The following SLC25A43 variants were observed in gnomAD, a reference collection of about 807,000 sequenced individuals.
The protein encoded by SLC25A43 is solute carrier family 25, member 43.
In SLC25A43, 10 loss-of-function variants were observed where a neutral mutation model predicts 22.8. That is an observed-to-expected ratio of 0.44 (90% CI 0.27 to 0.74). The LOEUF (loss-of-function observed/expected upper bound fraction) is 0.74, where lower values mean the gene tolerates loss of function less well. Ranked by LOEUF, SLC25A43 falls within the 30% of genes least tolerant of loss-of-function variation. The pLI, the probability that SLC25A43 is intolerant of heterozygous loss-of-function variation, is 0.17. For missense variants in SLC25A43, 233 were observed against 279.1 expected, an observed-to-expected ratio of 0.83 and a Z score of 1.18; for synonymous variants, 106 against 121.6, an observed-to-expected ratio of 0.87 and a Z score of 0.84.
At chrX:119,416,376 C>T (rs1347975373) in intron 3 of SLC25A43, among the ~76,000 whole-genome samples, 5 of 111,276 alleles carry the variant, frequency 4.5e-5, no homozygotes, top group Non-Finnish European at 7.5e-5. Context: ...TGTGCCACCA[C>T]GCCCGGCTAA....
intron 3 of SLC25A43, among the ~76,000 whole-genome samples, chrX:119,432,816 G>A (rs1286124671): frequency 1.0e-5 from 1 of 100,408 alleles, no homozygotes; most frequent in African/African-American, 3.7e-5. Context: ...CTTTTTAAAA[G>A]AGGTAAAGTT....
At chrX:119,404,292 T>C (rs1042998160) in intron 1 of SLC25A43, among the ~76,000 whole-genome samples, 5 of 111,733 alleles carry the variant, frequency 4.5e-5, no homozygotes, top group African/African-American at 1.6e-4. Context: ...TGAGACGCCA[T>C]GCCTAGCCAG....
intron 3 of SLC25A43, among the ~76,000 whole-genome samples, chrX:119,431,327 G>A (rs891525047): frequency 9.0e-6 from 1 of 110,871 alleles, no homozygotes; most frequent in Non-Finnish European, 1.9e-5. Context: ...AGACCAGCCT[G>A]GCCAACATGG....
At chrX:119,412,140 A>G (rs1228123321) in intron 3 of SLC25A43, among the ~76,000 whole-genome samples, 2 of 110,899 alleles carry the variant, frequency 1.8e-5, no homozygotes, top group Non-Finnish European at 3.8e-5. Context: ...GCCATCGCTT[A>G]CCTCAGCACT....
In SLC25A43 at chrX:119,414,914, A is replaced by ATTT. The variant is rs767288270; in HGVS notation, c.690+4574_690+4576dup. Among the ~76,000 whole-genome samples, 11 of 56,907 alleles carry ATTT rather than the reference A, an allele frequency of 1.9e-4. 1 individual carries two copies. The highest frequency in any genetic ancestry group is 1.6e-4 in the African/African-American group (2 of 12,350). 49.4% of individuals were successfully genotyped at this position (56,907 alleles called of 115,157 possible). ...AGGCATGCACCACCACACCCAGCTAATTTTTTTTTTTTTTTTTTTTTTTTG... is the reference window on the plus strand; with the variant it reads ...AGGCATGCACCACCACACCCAGCTAATTTTTTTTTTTTTTTTTTTTTTTTTTTG... On this transcript the variant is annotated intron_variant, in intron 3 of 4. Transcript: ENST00000217909.
At chrX:119,415,358 C>A (rs752086801) in intron 3 of SLC25A43, among the ~76,000 whole-genome samples, 11 of 111,357 alleles carry the variant, frequency 9.9e-5, no homozygotes, top group African/African-American at 3.6e-4. Context: ...AGGCATGAGC[C>A]ACTGTGCCCA....
intron 1 of SLC25A43, among the ~76,000 whole-genome samples, chrX:119,403,579 C>T (rs905874841): frequency 2.5e-4 from 28 of 111,938 alleles, no homozygotes; most frequent in African/African-American, 8.8e-4. Flanking sequence ...TGAGCCACCA[C>T]GCCCAGCCCC....
intron 3 of SLC25A43, among the ~76,000 whole-genome samples, chrX:119,424,240 AATAAT>A (rs1352301605): frequency 9.0e-6 from 1 of 110,586 alleles, no homozygotes; most frequent in Non-Finnish European, 1.9e-5. Context: ...AAGAAATTAT[AATAAT>A]ATAATAATAA....
chrX:119,399,775 C>G, intron 1 of SLC25A43, 97 bp downstream of exon 1: 5 of 902,243 alleles, frequency 5.5e-6, no homozygotes, highest in Non-Finnish European at 7.0e-6. Flanking sequence ...ACTCGGGGCC[C>G]TGGAGTAGGG....
At chrX:119,417,275 A>T (rs2147267501) in intron 3 of SLC25A43, among the ~76,000 whole-genome samples, 1 of 109,770 alleles carries the variant, frequency 9.1e-6, no homozygotes, top group African/African-American at 3.3e-5. Flanking sequence ...AAAAAAAAAA[A>T]ATTACCCAGG....
intron 3 of SLC25A43, among the ~76,000 whole-genome samples, chrX:119,431,021 A>G (rs1395025138): frequency 3.6e-5 from 4 of 112,126 alleles, no homozygotes; most frequent in Non-Finnish European, 5.6e-5. Flanking sequence ...GTCAGAAGAC[A>G]GTGGAGCTTA....
chrX:119,410,407 T>C lies in SLC25A43; in HGVS notation c.690+45T>C, dbSNP rs1403878652. On this transcript the variant is annotated intron_variant, in intron 3 of 4. Coordinates refer to ENST00000217909, the MANE Select transcript of SLC25A43 (RefSeq NM_145305.3). Reference sequence around the variant, plus strand: ...GGGTAGGGGGTGGAATGCTTTGTAGTGTTTGTGGTCGGGTAATAACAGCAA... The same window carrying C: ...GGGTAGGGGGTGGAATGCTTTGTAGCGTTTGTGGTCGGGTAATAACAGCAA... 1.3e-5 allele frequency: 15 copies of C among 1,176,164 alleles called. No homozygotes were observed. The East Asian group carries it at 4.2e-4, about 33-fold the overall frequency.
At chrX:119,451,984 C>T (rs761347055) in intron 3 of SLC25A43, 25 bp from the exon 4 acceptor site, 1 of 1,210,278 alleles carries the variant, frequency 8.3e-7, no homozygotes, top group Non-Finnish European at 1.1e-6. Flanking sequence ...TCAATCACCT[C>T]ATCCCAGCTT....
intron 3 of SLC25A43, among the ~76,000 whole-genome samples, chrX:119,443,787 C>CT (rs1356128835): frequency 9.2e-6 from 1 of 108,282 alleles, no homozygotes; most frequent in Non-Finnish European, 1.9e-5. Flanking sequence ...TCTCTGTTGC[C>CT]CAGGCTGGAT....
At chrX:119,418,329 A>G (rs776944139) in intron 3 of SLC25A43, among the ~76,000 whole-genome samples, 3 of 111,586 alleles carry the variant, frequency 2.7e-5, no homozygotes, top group Non-Finnish European at 5.6e-5. Context: ...GGACCTTTGC[A>G]GGGCCACTGG....
At chrX:119,442,780 CTACAT>C (rs1165686155) in intron 3 of SLC25A43, among the ~76,000 whole-genome samples, 2 of 112,460 alleles carry the variant, frequency 1.8e-5, no homozygotes, top group Non-Finnish European at 3.8e-5. Flanking sequence ...TGCAAAGATT[CTACAT>C]TACATTGTGT....
chrX:119,447,800 G>A (rs775133597), intron 3 of SLC25A43, among the ~76,000 whole-genome samples: 25 of 110,366 alleles, frequency 2.3e-4, no homozygotes, highest in Non-Finnish European at 4.2e-4. Context: ...TCTTTGTGGG[G>A]TCTAATGTGG....
At position 119,402,233 on chromosome X, in the gene SLC25A43, G is replaced by A. The variant is rs530708688; in HGVS notation, c.275+2555G>A. Among the ~76,000 whole-genome samples the A allele has an allele frequency of 4.1e-4, 46 of 111,964 alleles. No homozygotes were observed. In the South Asian group the frequency reaches 0.017, roughly 42 times the overall value. On this transcript the variant is annotated intron_variant, in intron 1 of 4. Coordinates refer to ENST00000217909, the MANE Select transcript of SLC25A43 (RefSeq NM_145305.3). ...AATGTTCAGGGAATGGGGTAGTTAA[G>A]TGACTTGTCCACAAATGCAATTAAT...
In SLC25A43 at chrX:119,453,007, G is replaced by A. The variant is rs139151703; in HGVS notation, c.968G>A (p.Arg323Gln). The change falls in exon 5 of 5, where the codon CGA (arginine) becomes CAA (glutamine). Residue 323 changes from arginine to glutamine, a missense_variant. Arg to Gln is a conservative substitution (Grantham distance 43). Transcript: ENST00000217909. ...CAGAGTTTGCAGCCCCAGGAATTAC[G>A]AGAATTAAAGAAGTTCTTCAAAACG... ...VDQSLQPQEL[R>Q]ELKKFFKTRK... 339 of 1,209,597 alleles carry A rather than the reference G, an allele frequency of 2.8e-4. No homozygotes were observed. The highest frequency in any genetic ancestry group is 3.6e-4 in the Non-Finnish European group (326 of 895,150).
Sources: gnomAD v4.1 joint callset for allele counts (sites outside exome capture counted in the v4.1 genomes callset) on GRCh38, gnomAD v4.1.1 for gene constraint, MANE v1.5 for transcripts, NCBI Gene and HGNC (gene_info 2026-07-23, HGNC 2026-07-21) for gene names.